The following AHI1 variants were observed in gnomAD, a reference collection of about 807,000 sequenced individuals.
The protein encoded by AHI1 is jouberin.
In AHI1, 123 loss-of-function variants were observed where a neutral mutation model predicts 149.3. The observed-to-expected ratio is 0.82, with a 90% CI of 0.71 to 0.96. The LOEUF is 0.96. Among genes scored for constraint, AHI1 ranks in the 40% least tolerant of loss-of-function variants. The pLI is 0.00. For missense variants in AHI1, 1,439 were observed against 1,422.7 expected (o/e 1.01, Z -0.18); for synonymous variants, 475 against 459.8 (o/e 1.03, Z -0.42).
chr6:135,361,645 TCACACACACA>T (rs57786531), intron 23 of AHI1, among the ~76,000 whole-genome samples: 9,131 of 133,818 alleles, frequency 0.068, 650 homozygotes, highest in African/African-American at 0.17. Flanking sequence ...AGGTATGGTT[TCACACACACA>T]CACACACACA....
intron 23 of AHI1, among the ~76,000 whole-genome samples, chr6:135,387,033 C>A (rs1777709408): frequency 6.6e-6 from 1 of 152,070 alleles, no homozygotes; most frequent in African/African-American, 2.4e-5. Context: ...TAGGCACATG[C>A]CACTACACCT....
intron 5 of AHI1, among the ~76,000 whole-genome samples, chr6:135,472,662 T>G (rs1014120506): frequency 3.9e-5 from 6 of 152,236 alleles, no homozygotes; most frequent in Admixed American, 6.5e-5. Context: ...CACTTAATAC[T>G]GTCAATTTTT....
chr6:135,478,463 T>C (rs1793075427), intron 5 of AHI1, among the ~76,000 whole-genome samples: 1 of 152,118 alleles, frequency 6.6e-6, no homozygotes, highest in Non-Finnish European at 1.5e-5. Context: ...AGCACTGAAC[T>C]TGAGAGAGAT....
intron 23 of AHI1, among the ~76,000 whole-genome samples, chr6:135,373,262 A>G (rs919359319): frequency 6.6e-6 from 1 of 152,140 alleles, no homozygotes; most frequent in African/African-American, 2.4e-5. Context: ...TAGATACACA[A>G]TTTTTACCAT....
In AHI1 at chr6:135,411,349, G is replaced by C; in HGVS notation, c.2960C>G (p.Thr987Arg). The part of the protein sequence containing the change: ...QLVKQRLETV[T>R]EVIRSCAAKV... ...TTCAACTGCATAAAATAAACTTACT[G>C]TGACAGTTTCAAGCCTCTGTTTTAC... The change falls in exon 21 of 29, where the codon ACA becomes AGA. Residue 987 changes from threonine to arginine, a missense_variant and splice_region_variant. Transcript: ENST00000265602. The C allele has an allele frequency of 6.2e-7, 1 of 1,605,360 alleles. No individual in the cohort carries two copies. The highest frequency in any genetic ancestry group is 8.5e-7 in the Non-Finnish European group (1 of 1,172,756).
chr6:135,290,861 G>C (rs1782257179), intron 27 of AHI1, among the ~76,000 whole-genome samples: 1 of 151,264 alleles, frequency 6.6e-6, no homozygotes, highest in South Asian at 2.1e-4. Context: ...AAAAATATTA[G>C]ATGCCTGGGA....
chr6:135,315,512 C>T (rs1334483376), intron 26 of AHI1, among the ~76,000 whole-genome samples: 1 of 152,154 alleles, frequency 6.6e-6, no homozygotes, highest in East Asian at 1.9e-4. Flanking sequence ...CTTACCAATT[C>T]TATCAAGTCT....
At chr6:135,290,903 A>AACAC (rs1406047830) in intron 27 of AHI1, among the ~76,000 whole-genome samples, 1 of 130,610 alleles carries the variant, frequency 7.7e-6, no homozygotes, top group Non-Finnish European at 1.5e-5. Context: ...CTTAGGTGGA[A>AACAC]ACACACACAA....
At chr6:135,352,334 G>A (rs548635856) in intron 24 of AHI1, among the ~76,000 whole-genome samples, 2 of 151,944 alleles carry the variant, frequency 1.3e-5, no homozygotes, top group South Asian at 2.1e-4. Context: ...TCTCATCTAC[G>A]CTGCTGCAGT....
chr6:135,364,488 G>A (rs1380575063), intron 23 of AHI1, among the ~76,000 whole-genome samples: 1 of 150,280 alleles, frequency 6.7e-6, no homozygotes, highest in Admixed American at 6.6e-5. Flanking sequence ...CCCAGACGGG[G>A]TGGCGGCCGG....
At chr6:135,444,891 AC>A (rs1157366018) in intron 13 of AHI1, among the ~76,000 whole-genome samples, 2 of 152,164 alleles carry the variant, frequency 1.3e-5, no homozygotes, top group East Asian at 3.8e-4. Context: ...GACTTCAAGA[AC>A]CCCCTGAAAG....
intron 23 of AHI1, among the ~76,000 whole-genome samples, chr6:135,371,842 G>T (rs1775111918): frequency 6.6e-6 from 1 of 152,198 alleles, no homozygotes; most frequent in Non-Finnish European, 1.5e-5. Context: ...TCTACTCGGT[G>T]TTGAGCAAGG....
At chr6:135,472,185 C>T (rs1475077394) in intron 5 of AHI1, among the ~76,000 whole-genome samples, 3 of 152,108 alleles carry the variant, frequency 2.0e-5, no homozygotes, top group Non-Finnish European at 4.4e-5. Flanking sequence ...TCCTGTTACA[C>T]AGTCAATGCC....
chr6:135,393,165 C>T (rs1412679203), intron 23 of AHI1, among the ~76,000 whole-genome samples: 2 of 151,848 alleles, frequency 1.3e-5, no homozygotes, highest in Admixed American at 6.6e-5. Context: ...GTCTGAAAGG[C>T]TTGCCTTTAT....
At position 135,364,954 on chromosome 6, in the gene AHI1, T is replaced by A. The variant is rs113911253; in HGVS notation, c.3110-6767A>T. On this transcript the variant is annotated intron_variant, in intron 23 of 28. Transcript: ENST00000265602. Reference sequence around the variant, plus strand: ...GAGGGAGAGGGAGAGGGAGAGGGAGTGGGAGCGGGAGCGTCTTTCATCCAT... The same window carrying A: ...GAGGGAGAGGGAGAGGGAGAGGGAGAGGGAGCGGGAGCGTCTTTCATCCAT... Among the ~76,000 whole-genome samples, 343 of 144,118 alleles carry A rather than the reference T, an allele frequency of 2.4e-3. 4 individuals carry two copies. The highest frequency in any genetic ancestry group is 8.5e-3 in the African/African-American group (316 of 37,354). 94.5% of individuals were successfully genotyped at this position (144,118 alleles called of 152,430 possible).
intron 24 of AHI1, among the ~76,000 whole-genome samples, chr6:135,348,725 T>C (rs1264887169): frequency 6.6e-6 from 1 of 151,970 alleles, no homozygotes; most frequent in Non-Finnish European, 1.5e-5. Context: ...GTTGAAAAAA[T>C]CAAGATTCAA....
chr6:135,375,399 G>A (rs1775764552), intron 23 of AHI1, among the ~76,000 whole-genome samples: 1 of 152,076 alleles, frequency 6.6e-6, no homozygotes, highest in Non-Finnish European at 1.5e-5. Flanking sequence ...ATATTAACAC[G>A]AGTAGCCATG....
intron 24 of AHI1, among the ~76,000 whole-genome samples, chr6:135,341,173 G>T (rs1790313930): frequency 6.6e-6 from 1 of 151,904 alleles, no homozygotes; most frequent in South Asian, 2.1e-4. Context: ...GAGATTATCA[G>T]AATGGATAAA....
chr6:135,299,308 C>G (rs1783557252), intron 27 of AHI1, among the ~76,000 whole-genome samples: 2 of 152,190 alleles, frequency 1.3e-5, no homozygotes, highest in South Asian at 4.1e-4. Context: ...CTGTAAATAA[C>G]TGTCATCTGA....
Sources: allele counts gnomAD v4.1 joint callset (sites outside exome capture counted in the v4.1 genomes callset), GRCh38; gene constraint gnomAD v4.1.1; transcripts MANE v1.5; gene names NCBI Gene and HGNC (gene_info 2026-07-23, HGNC 2026-07-21).